The following PSMC1 variants were observed in gnomAD, a reference collection of about 807,000 sequenced individuals.
PSMC1 encodes 26S proteasome regulatory subunit 4.
In PSMC1, 5 loss-of-function variants were observed where a neutral mutation model predicts 49.8. The ratio of observed to expected loss-of-function variants is 0.10; its 90% CI spans 0.05 to 0.21. The LOEUF (loss-of-function observed/expected upper bound fraction) is 0.21. Ranked by LOEUF, PSMC1 falls within the 10% of genes least tolerant of loss-of-function variation. The pLI is 1.00. For synonymous variants in PSMC1, 155 were observed against 192.1 expected (o/e 0.81, Z 1.60); for missense variants, 181 against 535.7 (o/e 0.34, Z 6.54).
chr14:90,261,787 C>T (rs1751161850), intron 3 of PSMC1, among the ~76,000 whole-genome samples: 1 of 150,824 alleles, frequency 6.6e-6, no homozygotes, highest in Non-Finnish European at 1.5e-5. Flanking sequence ...TTTGACCCAG[C>T]CATCCCATTA....
rs1176793346 is a variant in PSMC1, at chr14:90,274,100, G to C, written c.*1693G>C. On this transcript the variant is annotated 3_prime_UTR_variant, in exon 11 of 11. Coordinates refer to ENST00000261303, the MANE Select transcript of PSMC1 (RefSeq NM_002802.3). ...CCTACCACAGAGGACATCCACACGT[G>C]GGGGTGGCCCAGTGCAGGGTAAGGA... 3 of 149,504 alleles carry C rather than the reference G, an allele frequency of 2.0e-5. No homozygotes were observed. The highest frequency in any genetic ancestry group is 1.0e-3 in the Middle Eastern group (2 of 1,952). 9.3% of individuals were successfully genotyped at this position (149,504 alleles called of 1,614,324 possible).
Position 90,273,837 on chromosome 14 carries a change from A to AT in PSMC1, c.*1434dup, listed in dbSNP as rs889196777. Reference sequence around the variant, plus strand: ...CCTCCCTCCTGACTCGTGGCACTTCATTTTCCACCAGCAGCAGCAGGCCCA... The same window carrying AT: ...CCTCCCTCCTGACTCGTGGCACTTCATTTTTCCACCAGCAGCAGCAGGCCCA... On this transcript the variant is annotated 3_prime_UTR_variant, in exon 11 of 11. Transcript: ENST00000261303. The AT allele has an allele frequency of 1.9e-5, 3 of 154,730 alleles. No homozygotes were observed. The highest frequency in any genetic ancestry group is 5.1e-4 in the Middle Eastern group (1 of 1,948). 9.6% of individuals were successfully genotyped at this position (154,730 alleles called of 1,614,324 possible). A position where few individuals can be genotyped will look rare whatever the true frequency, so the allele number is the denominator to read the frequency against.
intron 3 of PSMC1, among the ~76,000 whole-genome samples, chr14:90,261,970 TA>T (rs1224819543): frequency 6.6e-6 from 1 of 151,564 alleles, no homozygotes; most frequent in African/African-American, 2.4e-5. Flanking sequence ...TATGCAGCCA[TA>T]AAAAAGGATG....
At chr14:90,265,557 CGT>C in intron 7 of PSMC1, among the ~76,000 whole-genome samples, 2 of 151,816 alleles carry the variant, frequency 1.3e-5, no homozygotes, top group African/African-American at 4.8e-5. Flanking sequence ...GGTGTGGTGA[CGT>C]GCGCCTGTAG....
intron 7 of PSMC1, chr14:90,267,960 A>T: frequency 2.9e-6 from 1 of 341,464 alleles, no homozygotes; most frequent in East Asian, 5.0e-5. Context: ...AGGTTGGAAA[A>T]TAACCAAGTA....
Position 90,274,775 on chromosome 14 carries a change from T to G in PSMC1, c.*2368T>G, listed in dbSNP as rs1409869304. 7.0e-6 allele frequency: 1 copy of G among 143,390 alleles called. No individual in the cohort carries two copies. Among genetic ancestry groups the G allele is most frequent in the Non-Finnish European group, 1.5e-5 (1 of 66,602 alleles). The allele number at this position is 143,390 out of a possible 1,614,324, so 8.9% of individuals were successfully genotyped here. ...ATTAATGGAATACAGTATAGCCCTT[T>G]AAATAGGGAACTACACACACACACA... On this transcript the variant is annotated 3_prime_UTR_variant, in exon 11 of 11. Coordinates refer to ENST00000261303, the MANE Select transcript of PSMC1 (RefSeq NM_002802.3).
chr14:90,257,184 C>G (rs1158490634), intron 1 of PSMC1, among the ~76,000 whole-genome samples: 1 of 146,526 alleles, frequency 6.8e-6, no homozygotes, highest in African/African-American at 2.5e-5. Flanking sequence ...ATTCACTAAA[C>G]AAGTATTTAC....
intron 3 of PSMC1, among the ~76,000 whole-genome samples, chr14:90,260,663 C>T (rs56327213): frequency 0.36 from 54,672 of 151,802 alleles, 10,247 homozygotes; most frequent in East Asian, 0.52. Flanking sequence ...ACCCGGGAGG[C>T]GGAGCTTGCA....
In PSMC1 at chr14:90,275,028, AAG is replaced by A. The variant is rs2139658107; in HGVS notation, c.*2624_*2625del. ...GGCACTTTGAAAGTACGTGCCACCC[AAG>A]AGTGTCAGTGCTGTCACACTCCTGC... On this transcript the variant is annotated 3_prime_UTR_variant, in exon 11 of 11. Coordinates refer to ENST00000261303, the MANE Select transcript of PSMC1 (RefSeq NM_002802.3). 1 of 152,314 alleles carries A rather than the reference AAG, an allele frequency of 6.6e-6. No homozygotes were observed. Among genetic ancestry groups the A allele is most frequent in the Admixed American group, 6.5e-5 (1 of 15,288 alleles). The allele number at this position is 152,314 out of a possible 1,614,324, so 9.4% of individuals were successfully genotyped here. A position where few individuals can be genotyped will look rare whatever the true frequency, so the allele number is the denominator to read the frequency against.
intron 3 of PSMC1, among the ~76,000 whole-genome samples, chr14:90,262,616 C>G (rs958447582): frequency 2.0e-5 from 3 of 152,088 alleles, no homozygotes; most frequent in East Asian, 3.9e-4. Context: ...AACCCCGTCT[C>G]TGCTAAAAAT....
At chr14:90,263,527 G>C in intron 4 of PSMC1, 85 bp downstream of exon 4, 1 of 1,470,540 alleles carries the variant, frequency 6.8e-7, no homozygotes, top group Non-Finnish European at 9.2e-7. Flanking sequence ...TCAAGTAGCT[G>C]AACCTGTCCA....
rs372057346 is a variant in PSMC1 at position 90,260,097 on chromosome 14, C to T, written c.58-18C>T. On this transcript the variant is annotated intron_variant, in intron 2 of 10. Transcript: ENST00000261303. ...ATTTTCATGTGATTTTTTTTTCCTG[C>T]TATTCTAACAACTCAAGGACAAGAA... 79 of 1,439,726 alleles carry T rather than the reference C, an allele frequency of 5.5e-5. No individual in the cohort carries two copies. The highest frequency in any genetic ancestry group is 6.8e-5 in the Non-Finnish European group (72 of 1,063,524). The allele number at this position is 1,439,726 out of a possible 1,614,324, so 89.2% of individuals were successfully genotyped here. A position where few individuals can be genotyped will look rare whatever the true frequency, so the allele number is the denominator to read the frequency against.
In PSMC1 at chr14:90,272,789, G is replaced by A. The variant is rs75643113; in HGVS notation, c.*382G>A. On this transcript the variant is annotated 3_prime_UTR_variant, in exon 11 of 11. Coordinates refer to ENST00000261303, the MANE Select transcript of PSMC1 (RefSeq NM_002802.3). This position sits in a 1 kb window ranked among gnomAD's most constrained non-coding sequence, Gnocchi z 4.5. ...CACACCCCCAGAGCTGGCGTTCAACGGTAATTACAGTGGGAAATGGTCACT... is the reference window on the plus strand; with the variant it reads ...CACACCCCCAGAGCTGGCGTTCAACAGTAATTACAGTGGGAAATGGTCACT... 6.7e-3 allele frequency: 1,090 copies of A among 161,548 alleles called. 21 individuals are homozygous for A. Among genetic ancestry groups the A allele is most frequent in the African/African-American group, 0.025 (1,054 of 41,784 alleles). 10.0% of individuals were successfully genotyped at this position (161,548 alleles called of 1,614,324 possible). A position where few individuals can be genotyped will look rare whatever the true frequency, so the allele number is the denominator to read the frequency against.
chr14:90,257,692 A>G (rs535503054), intron 1 of PSMC1, among the ~76,000 whole-genome samples: 1 of 152,262 alleles, frequency 6.6e-6, no homozygotes, highest in Admixed American at 6.5e-5. Context: ...TCCCGGGTTC[A>G]AGCGATTCTC....
chr14:90,259,736 C>T (rs1891360881), intron 2 of PSMC1, among the ~76,000 whole-genome samples: 1 of 152,136 alleles, frequency 6.6e-6, no homozygotes. Context: ...ATTCTCCTGT[C>T]TCAGCCTCCC....
At chr14:90,260,083 A>T (rs371540243) in intron 2 of PSMC1, 32 bp from the exon 3 acceptor site, 1 of 1,246,654 alleles carries the variant, frequency 8.0e-7, no homozygotes, top group South Asian at 1.4e-5. Flanking sequence ...TTTTCATGTG[A>T]TTTTTTTTTC....
At position 90,263,758 on chromosome 14, in the gene PSMC1, T is replaced by A; in HGVS notation, c.376T>A (p.Ser126Thr). 6.2e-7 allele frequency: 1 copy of A among 1,613,238 alleles called. No homozygotes were observed. Residue 126 changes from serine to threonine, a missense_variant, in exon 5 of 11, where the codon TCT (serine) becomes ACT (threonine). By Grantham distance (58) the Ser-to-Thr change is moderately conservative. This residue lies in a region of PSMC1 where 121 missense variants were observed against 358.6 expected (regional missense o/e 0.34). Coordinates refer to ENST00000261303, the MANE Select transcript of PSMC1 (RefSeq NM_002802.3). Reference protein sequence around the residue: ...IDDNHAIVSTSVGSEHYVSIL... With the variant: ...IDDNHAIVSTTVGSEHYVSIL... The stretch of plus-strand genomic sequence containing the variant: ...TGACAATCATGCCATCGTGTCTACA[T>A]CTGTGGGCTCAGAACACTACGTCAG...
Position 90,272,171 on chromosome 14 carries a change from G to A in PSMC1, c.1189-102G>A. The A allele has an allele frequency of 7.4e-7, 1 of 1,343,246 alleles. No individual in the cohort carries two copies. Among genetic ancestry groups the A allele is most frequent in the Non-Finnish European group, 1.0e-6 (1 of 976,520 alleles). 83.2% of individuals were successfully genotyped at this position (1,343,246 alleles called of 1,614,324 possible). The stretch of plus-strand genomic sequence containing the variant: ...GGCCTCCCAGAGTGCTGGGATTACA[G>A]GTGTGAGCCACCGCGCCTGGCCTCA... On this transcript the variant is annotated intron_variant, in intron 10 of 10. Coordinates refer to ENST00000261303, the MANE Select transcript of PSMC1 (RefSeq NM_002802.3). This position sits in a 1 kb window ranked among gnomAD's most constrained non-coding sequence, Gnocchi z 4.5.
chr14:90,269,361 TGA>T, intron 8 of PSMC1, 34 bp from the exon 9 acceptor site: 1 of 1,566,594 alleles, frequency 6.4e-7, no homozygotes, highest in Non-Finnish European at 8.6e-7. Context: ...GGCGATCAGT[TGA>T]GTCTTCATTC....
Sources: allele counts gnomAD v4.1 joint callset (sites outside exome capture counted in the v4.1 genomes callset), GRCh38; gene constraint gnomAD v4.1.1; regional missense constraint gnomAD v4.1.1; non-coding constraint Gnocchi (gnomAD v3.1); transcripts MANE v1.5; gene names NCBI Gene and HGNC (gene_info 2026-07-23, HGNC 2026-07-21).